The following LMO3 variants were observed in gnomAD, a reference collection of about 807,000 sequenced individuals.
The protein encoded by LMO3 is LIM domain only 3.
LMO3 carries 2 observed loss-of-function variants against 15.8 expected under a neutral mutation model. The observed-to-expected ratio is 0.13, with a 90% CI of 0.05 to 0.40. The LOEUF is 0.40. LMO3 is among the 10% of genes least tolerant of loss of function. The probability of loss-of-function intolerance (pLI) is 0.99; values close to 1 mark genes in which losing one functional copy is unlikely to be tolerated. For synonymous variants in LMO3, 62 were observed against 63.8 expected, an observed-to-expected ratio of 0.97 and a Z score of 0.13; for missense variants, 86 against 182.2, an observed-to-expected ratio of 0.47 and a Z score of 3.04.
intron 3 of LMO3, among the ~76,000 whole-genome samples, chr12:16,556,332 T>G (rs1027490583): frequency 2.0e-5 from 3 of 152,184 alleles, no homozygotes; most frequent in African/African-American, 7.2e-5. Flanking sequence ...CCTCCTGCGG[T>G]ACCTTTTAAA....
intron 2 of LMO3, chr12:16,600,220 G>A (rs1349772667): frequency 3.8e-5 from 5 of 130,270 alleles, no homozygotes; most frequent in Non-Finnish European, 7.6e-5. Flanking sequence ...TTTAAAAATA[G>A]TTAAGATATT....
At position 16,599,725 on chromosome 12, in the gene LMO3, G is replaced by A. The variant is rs1008446236; in HGVS notation, c.206+930C>T. 3 of 152,120 alleles carry A rather than the reference G, an allele frequency of 2.0e-5. No individual in the cohort carries two copies. Among genetic ancestry groups the A allele is most frequent in the African/African-American group, 7.2e-5 (3 of 41,436 alleles). The allele number at this position is 152,120 out of a possible 1,614,324, so 9.4% of individuals were successfully genotyped here. On this transcript the variant is annotated intron_variant, in intron 2 of 3. Coordinates refer to ENST00000537304, the MANE Select transcript of LMO3 (RefSeq NM_018640.5). The surrounding 1 kb of genome is among the most constrained non-coding windows in gnomAD (Gnocchi z 4.1). ...GCTGAAGTAAGTCACAAAGTTGCCT[G>A]AAAAGCAAAATAATTTTCCTTCAGC...
chr12:16,594,305 A>G (rs1277493367), intron 2 of LMO3: 1 of 1,449,230 alleles, frequency 6.9e-7, no homozygotes, highest in Non-Finnish European at 9.1e-7. Context: ...GTAATCATAT[A>G]CACAAACCAA....
intron 3 of LMO3, among the ~76,000 whole-genome samples, chr12:16,557,888 A>G (rs1268646620): frequency 6.6e-6 from 1 of 152,074 alleles, no homozygotes; most frequent in Non-Finnish European, 1.5e-5. Flanking sequence ...TCTTCTCACT[A>G]TAAATGTCAC....
chr12:16,607,872 A>C (rs1417416954), upstream of LMO3: 1 of 152,090 alleles, frequency 6.6e-6, no homozygotes, highest in East Asian at 1.9e-4. Context: ...TTGAAGGCTC[A>C]TAATAAAATA....
chr12:16,573,206 A>G (rs1565493688), intron 2 of LMO3, among the ~76,000 whole-genome samples: 1 of 152,174 alleles, frequency 6.6e-6, no homozygotes, highest in Admixed American at 6.6e-5. Context: ...TCATATTAAC[A>G]TATTATTCAT....
Position 16,598,404 on chromosome 12 carries a change from CGTT to C in LMO3, c.206+2248_206+2250del, listed in dbSNP as rs2137684264. On this transcript the variant is annotated intron_variant, in intron 2 of 3. Transcript: ENST00000537304. The surrounding 1 kb of genome is among the most constrained non-coding windows in gnomAD (Gnocchi z 4.3). ...CAACTTAGTTTGAAATGTTAACAAC[CGTT>C]AGGCTGTTAACATAACAACTGGCCA... 1 of 152,090 alleles carries C rather than the reference CGTT, an allele frequency of 6.6e-6. No homozygotes were observed. Among genetic ancestry groups the C allele is most frequent in the Non-Finnish European group, 1.5e-5 (1 of 67,946 alleles). The allele number at this position is 152,090 out of a possible 1,614,324, so 9.4% of individuals were successfully genotyped here.
At chr12:16,595,024 A>G (rs1943607132) in intron 2 of LMO3, among the ~76,000 whole-genome samples, 1 of 151,502 alleles carries the variant, frequency 6.6e-6, no homozygotes, top group South Asian at 2.1e-4. Context: ...TCTCAAATGT[A>G]GGTTTTCCAG....
At chr12:16,563,860 A>G (rs960557375) in intron 2 of LMO3, among the ~76,000 whole-genome samples, 1 of 152,140 alleles carries the variant, frequency 6.6e-6, no homozygotes, top group Non-Finnish European at 1.5e-5. Context: ...TCATTGATCT[A>G]TTTTGCTCAT....
Position 16,560,407 on chromosome 12 carries a change from G to A in LMO3, c.332+6C>T. On this transcript the variant is annotated splice_donor_region_variant and intron_variant, in intron 3 of 3. Transcript: ENST00000537304. The surrounding 1 kb of genome is among the most constrained non-coding windows in gnomAD (Gnocchi z 5.0). ...TTTCTTAGAGACCAAAAAGAGACCT[G>A]CTTACCTCTGATTACAAAGCTGACA... 6.2e-7 allele frequency: 1 copy of A among 1,612,750 alleles called. No homozygotes were observed.
intron 2 of LMO3, among the ~76,000 whole-genome samples, chr12:16,580,789 A>C (rs1238021036): frequency 2.0e-5 from 3 of 152,196 alleles, no homozygotes; most frequent in African/African-American, 7.2e-5. Context: ...CATTTTTGCT[A>C]ATCTCTATTG....
Position 16,560,593 on chromosome 12 carries a change from T to G in LMO3, c.207-55A>C. On this transcript the variant is annotated intron_variant, in intron 2 of 3. Coordinates refer to ENST00000537304, the MANE Select transcript of LMO3 (RefSeq NM_018640.5). The surrounding 1 kb of genome is among the most constrained non-coding windows in gnomAD (Gnocchi z 5.0). ...CAAACTCTTACAGAGAAATCTGAGA[T>G]CGTGAAGAGAGATGATGTTAATATA... 1 of 1,505,502 alleles carries G rather than the reference T, an allele frequency of 6.6e-7. No individual in the cohort carries two copies. 93.3% of individuals were successfully genotyped at this position (1,505,502 alleles called of 1,614,324 possible).
chr12:16,606,024 C>T, intron 1 of LMO3, 42 bp downstream of exon 1: 1 of 600,528 alleles, frequency 1.7e-6, no homozygotes, highest in Admixed American at 2.9e-5. Flanking sequence ...ACACACACAC[C>T]ACAAATAAGC....
rs995807892 is a variant in LMO3 at position 16,593,132 on chromosome 12, G to A, written c.206+7523C>T. Among the ~76,000 whole-genome samples the A allele has an allele frequency of 4.6e-5, 7 of 151,696 alleles. No homozygotes were observed. Among genetic ancestry groups the A allele is most frequent in the African/African-American group, 1.2e-4 (5 of 41,358 alleles). On this transcript the variant is annotated intron_variant, in intron 2 of 3. Transcript: ENST00000537304. This position sits in a 1 kb window ranked among gnomAD's most constrained non-coding sequence, Gnocchi z 4.2. ...AGTCCTTGTCATATCTGATATTTAT[G>A]TTTACTAAAATTGATTTTCTCTTTT... is the stretch of plus-strand genomic sequence containing the variant.
chr12:16,598,081 T>A lies in LMO3; in HGVS notation c.206+2574A>T, dbSNP rs903233076. ...TTTGTATCTAATCAAAGAAATTAAT[T>A]TGTAAATAAAATCTGCTTGACTATA... On this transcript the variant is annotated intron_variant, in intron 2 of 3. Coordinates refer to ENST00000537304, the MANE Select transcript of LMO3 (RefSeq NM_018640.5). The surrounding 1 kb of genome is among the most constrained non-coding windows in gnomAD (Gnocchi z 4.3). 1 of 152,060 alleles carries A rather than the reference T, an allele frequency of 6.6e-6. No individual in the cohort carries two copies. The highest frequency in any genetic ancestry group is 1.5e-5 in the Non-Finnish European group (1 of 67,948). 9.4% of individuals were successfully genotyped at this position (152,060 alleles called of 1,614,324 possible). A position where few individuals can be genotyped will look rare whatever the true frequency, so the allele number is the denominator to read the frequency against.
intron 2 of LMO3, among the ~76,000 whole-genome samples, chr12:16,564,796 GTTATT>G (rs1942533559): frequency 1.3e-5 from 2 of 152,118 alleles, no homozygotes; most frequent in African/African-American, 4.8e-5. Flanking sequence ...AAATTTAGAA[GTTATT>G]TTATTTTAGA....
chr12:16,552,678 T>C (rs1942034018), intron 3 of LMO3, among the ~76,000 whole-genome samples: 1 of 152,106 alleles, frequency 6.6e-6, no homozygotes, highest in Non-Finnish European at 1.5e-5. Context: ...TCCCCAGGAT[T>C]ACTGCCTGCT....
intron 3 of LMO3, among the ~76,000 whole-genome samples, chr12:16,557,927 TA>T (rs1465111198): frequency 6.6e-6 from 1 of 152,060 alleles, no homozygotes; most frequent in Non-Finnish European, 1.5e-5. Flanking sequence ...CAGGGTCTCA[TA>T]AGGTCCATTT....
rs916236493 is a variant in LMO3 at position 16,603,834 on chromosome 12, G to A, written c.-9+2232C>T. 1.3e-5 allele frequency among the ~76,000 whole-genome samples: 2 copies of A among 151,694 alleles called. No homozygotes were observed. The highest frequency in any genetic ancestry group is 1.5e-5 in the Non-Finnish European group (1 of 67,964). Reference sequence around the variant, plus strand: ...TAACCACAACTCCACAACACACAGGGGTTTAAAAAAAATAATAATAATGAA... The same window carrying A: ...TAACCACAACTCCACAACACACAGGAGTTTAAAAAAAATAATAATAATGAA... On this transcript the variant is annotated intron_variant, in intron 1 of 3. Coordinates refer to ENST00000537304, the MANE Select transcript of LMO3 (RefSeq NM_018640.5). The surrounding 1 kb of genome is among the most constrained non-coding windows in gnomAD (Gnocchi z 4.9).
Sources: gnomAD v4.1 joint callset for allele counts (sites outside exome capture counted in the v4.1 genomes callset) on GRCh38, gnomAD v4.1.1 for gene constraint, Gnocchi (gnomAD v3.1) non-coding constraint, MANE v1.5 for transcripts, NCBI Gene and HGNC (gene_info 2026-07-23, HGNC 2026-07-21) for gene names.